ASIC2: variants seen among roughly 807,000 people sequenced by gnomAD.
ASIC2 encodes the protein acid-sensing ion channel 2.
In ASIC2, 25 loss-of-function variants were observed where a neutral mutation model predicts 57.3. The observed-to-expected ratio is 0.44, with a 90% CI of 0.32 to 0.61. The LOEUF is 0.61. Ranked by LOEUF, ASIC2 falls within the 20% of genes least tolerant of loss-of-function variation. The probability of loss-of-function intolerance (pLI) is 0.06; values close to 1 mark genes in which losing one functional copy is unlikely to be tolerated. For synonymous variants in ASIC2, 319 were observed against 307.5 expected (o/e 1.04, Z -0.39); for missense variants, 641 against 738.1 (o/e 0.87, Z 1.52).
chr17:33,724,016 C>T (rs1248130364), intron 1 of ASIC2, among the ~76,000 whole-genome samples: 1 of 152,060 alleles, frequency 6.6e-6, no homozygotes, highest in Non-Finnish European at 1.5e-5. Context: ...CCACAATTCC[C>T]ATGTGTCATG....
chr17:33,720,168 C>A (rs1317550347), intron 1 of ASIC2, among the ~76,000 whole-genome samples: 1 of 152,206 alleles, frequency 6.6e-6, no homozygotes, highest in Non-Finnish European at 1.5e-5. Context: ...GTGTGAGCCA[C>A]CAAGCCTGCC....
Position 33,015,945 on chromosome 17 carries a change from A to C in ASIC2, c.1590+26T>G, listed in dbSNP as rs2091803312. 6.8e-6 allele frequency: 11 copies of C among 1,613,426 alleles called. No individual in the cohort carries two copies. In the East Asian group the frequency reaches 2.5e-4, roughly 36 times the overall value. On this transcript the variant is annotated intron_variant, in intron 9 of 9. Coordinates refer to ENST00000225823, the MANE Select transcript of ASIC2 (RefSeq NM_183377.2). ...CGGTACAAGCCAGAGCAGCAGAACA[A>C]CTTCCAATCAGTGAGCTGCTCTTAC...
At chr17:33,688,210 TG>T (rs1221588266) in intron 1 of ASIC2, among the ~76,000 whole-genome samples, 1 of 152,212 alleles carries the variant, frequency 6.6e-6, no homozygotes, top group Non-Finnish European at 1.5e-5. Context: ...AGAGGTGTGT[TG>T]GGTCTGGAGA....
At chr17:33,961,046 G>A (rs1904904017) in intron 1 of ASIC2, among the ~76,000 whole-genome samples, 1 of 152,244 alleles carries the variant, frequency 6.6e-6, no homozygotes. Flanking sequence ...GGGTCAGCCA[G>A]CTAGGCATGA....
intron 1 of ASIC2, among the ~76,000 whole-genome samples, chr17:34,113,582 G>A (rs1421002559): frequency 6.6e-6 from 1 of 150,848 alleles, no homozygotes; most frequent in Non-Finnish European, 1.5e-5. Flanking sequence ...AAAAAAGGAA[G>A]AAGATGAAAA....
intron 1 of ASIC2, among the ~76,000 whole-genome samples, chr17:33,898,858 C>G (rs1298281439): frequency 3.3e-5 from 5 of 152,082 alleles, no homozygotes; most frequent in Admixed American, 3.3e-4. Flanking sequence ...AATACATAGG[C>G]TTGGCAGGTT....
chr17:33,491,925 C>G lies in ASIC2; in HGVS notation c.556-379858G>C, dbSNP rs116347468. ...ATGCCTTATATTTTCTCCTCGTGGCCCTAATTTTGCCTTCCAGGAAAGAGC... is the reference window on the plus strand; with the variant it reads ...ATGCCTTATATTTTCTCCTCGTGGCGCTAATTTTGCCTTCCAGGAAAGAGC... On this transcript the variant is annotated intron_variant, in intron 1 of 9. Transcript: ENST00000359872. Among the ~76,000 whole-genome samples the G allele has an allele frequency of 9.8e-3, 1,486 of 152,242 alleles. 21 individuals are homozygous for G. Among genetic ancestry groups the G allele is most frequent in the African/African-American group, 0.034 (1,397 of 41,546 alleles).
At chr17:33,349,918 T>TG (rs1908093083) in intron 1 of ASIC2, among the ~76,000 whole-genome samples, 1 of 141,786 alleles carries the variant, frequency 7.1e-6, no homozygotes, top group Non-Finnish European at 1.6e-5. Flanking sequence ...GAACAATTTA[T>TG]GAAAAAAAAA....
intron 1 of ASIC2, among the ~76,000 whole-genome samples, chr17:33,405,606 C>T (rs1910446220): frequency 6.6e-6 from 1 of 151,790 alleles, no homozygotes; most frequent in Non-Finnish European, 1.5e-5. Flanking sequence ...GCCTCAGCCT[C>T]CTGAGTAGCT....
intron 1 of ASIC2, among the ~76,000 whole-genome samples, chr17:34,087,350 G>GA (rs1302883917): frequency 6.6e-6 from 1 of 151,994 alleles, no homozygotes; most frequent in Non-Finnish European, 1.5e-5. Flanking sequence ...TTTTCTTTAA[G>GA]AATGTTGAAT....
chr17:33,480,073 G>A (rs1182374988), intron 1 of ASIC2, among the ~76,000 whole-genome samples: 1 of 152,126 alleles, frequency 6.6e-6, no homozygotes, highest in African/African-American at 2.4e-5. Flanking sequence ...ATCCACCCAT[G>A]TCTAAAACAA....
intron 1 of ASIC2, among the ~76,000 whole-genome samples, chr17:33,490,946 T>C (rs1418036088): frequency 6.6e-6 from 1 of 152,152 alleles, no homozygotes; most frequent in Non-Finnish European, 1.5e-5. Flanking sequence ...AACTGATACC[T>C]CCACCTGAAT....
At chr17:33,093,903 AG>A (rs1419041806) in intron 2 of ASIC2, among the ~76,000 whole-genome samples, 2 of 152,234 alleles carry the variant, frequency 1.3e-5, no homozygotes, top group Non-Finnish European at 2.9e-5. Flanking sequence ...TTCAGAGCTC[AG>A]AGAGTGAACG....
intron 1 of ASIC2, among the ~76,000 whole-genome samples, chr17:33,464,526 TTCTTTCTTTC>T (rs1912775041): frequency 2.6e-5 from 1 of 39,146 alleles, no homozygotes; most frequent in East Asian, 5.0e-4. Context: ...CTTTCTTTCT[TTCTTTCTTTC>T]TTTCTCTTTC....
intron 1 of ASIC2, among the ~76,000 whole-genome samples, chr17:33,435,692 T>C (rs943114774): frequency 6.6e-6 from 1 of 152,152 alleles, no homozygotes; most frequent in Non-Finnish European, 1.5e-5. Context: ...TACTAATAAA[T>C]TAAAAAACAA....
At chr17:33,799,895 C>A (rs1005492149) in intron 1 of ASIC2, among the ~76,000 whole-genome samples, 1 of 152,138 alleles carries the variant, frequency 6.6e-6, no homozygotes, top group Non-Finnish European at 1.5e-5. Context: ...ATCTGGGTCC[C>A]CACAAATACT....
intron 3 of ASIC2, among the ~76,000 whole-genome samples, chr17:33,062,316 T>C (rs1420549133): frequency 6.6e-6 from 1 of 152,228 alleles, no homozygotes; most frequent in African/African-American, 2.4e-5. Context: ...TAAATTTCCC[T>C]CTACACACTG....
At chr17:33,971,017 G>T (rs1384340029) in intron 1 of ASIC2, among the ~76,000 whole-genome samples, 1 of 152,088 alleles carries the variant, frequency 6.6e-6, no homozygotes, top group Non-Finnish European at 1.5e-5. Context: ...GGCGTAACAG[G>T]GTTGCATTTC....
chr17:33,286,023 C>T (rs1479108660), intron 1 of ASIC2, among the ~76,000 whole-genome samples: 1 of 152,202 alleles, frequency 6.6e-6, no homozygotes, highest in Non-Finnish European at 1.5e-5. Flanking sequence ...TTATTTATTC[C>T]TCTTTCTCTA....
Sources: allele counts gnomAD v4.1 joint callset (sites outside exome capture counted in the v4.1 genomes callset), GRCh38; gene constraint gnomAD v4.1.1; transcripts MANE v1.5; gene names NCBI Gene and HGNC (gene_info 2026-07-23, HGNC 2026-07-21).